The following SKIC3 variants were observed in gnomAD, a reference collection of about 807,000 sequenced individuals.
SKIC3 encodes superkiller complex protein 3.
chr5:95,533,008 T>C, the SKIC3 span, among the ~76,000 whole-genome samples: 2 of 152,204 alleles, frequency 1.3e-5, no homozygotes, highest in African/African-American at 4.8e-5. Flanking sequence ...CATTCATATT[T>C]ATCTTCACCT....
the SKIC3 span, chr5:95,523,180 T>G: frequency 3.1e-6 from 5 of 1,613,426 alleles, no homozygotes; most frequent in Non-Finnish European, 4.2e-6. Context: ...TAACATAGTT[T>G]AAATACAATA....
the SKIC3 span, among the ~76,000 whole-genome samples, chr5:95,542,279 TTTTA>T: frequency 2.0e-5 from 3 of 152,182 alleles, no homozygotes; most frequent in Admixed American, 1.3e-4. Flanking sequence ...ATCTAAAGTA[TTTTA>T]TTGTGATATC....
the SKIC3 span, among the ~76,000 whole-genome samples, chr5:95,511,732 C>T: frequency 6.6e-6 from 1 of 152,118 alleles, no homozygotes; most frequent in Non-Finnish European, 1.5e-5. Context: ...ATTTCTTGAG[C>T]ATCTAGGATA....
At chr5:95,503,660 A>G in the SKIC3 span, among the ~76,000 whole-genome samples, 1 of 152,158 alleles carries the variant, frequency 6.6e-6, no homozygotes, top group Non-Finnish European at 1.5e-5. Flanking sequence ...GGTAACAGAT[A>G]AAAAAGTGCC....
chr5:95,511,488 A>AC, the SKIC3 span, among the ~76,000 whole-genome samples: 1 of 151,988 alleles, frequency 6.6e-6, no homozygotes, highest in Non-Finnish European at 1.5e-5. Flanking sequence ...CCTAAGGCAA[A>AC]CCCCCCCAAG....
the SKIC3 span, chr5:95,514,877 T>C: frequency 6.2e-6 from 10 of 1,612,420 alleles, no homozygotes; most frequent in Non-Finnish European, 8.5e-6. Flanking sequence ...GCACATTAAA[T>C]AAGATGGATC....
chr5:95,508,935 C>T, the SKIC3 span, among the ~76,000 whole-genome samples: 1 of 152,276 alleles, frequency 6.6e-6, no homozygotes. Context: ...TCTAATAAAG[C>T]TAGACAAGTT....
chr5:95,510,227 A>G, the SKIC3 span, among the ~76,000 whole-genome samples: 7 of 152,220 alleles, frequency 4.6e-5, no homozygotes, highest in Non-Finnish European at 7.3e-5. Flanking sequence ...TGAGACAGTG[A>G]CAGAAATCCA....
chr5:95,547,465 T>C, the SKIC3 span, among the ~76,000 whole-genome samples: 1 of 152,152 alleles, frequency 6.6e-6, no homozygotes, highest in Non-Finnish European at 1.5e-5. Flanking sequence ...ATTTGTCACA[T>C]TTAATATACT....
chr5:95,535,167 T>C, the SKIC3 span, among the ~76,000 whole-genome samples: 1 of 152,200 alleles, frequency 6.6e-6, no homozygotes, highest in Non-Finnish European at 1.5e-5. Flanking sequence ...TTTAAGACTT[T>C]ATACTCCACT....
the SKIC3 span, among the ~76,000 whole-genome samples, chr5:95,507,583 G>A: frequency 2.0e-5 from 3 of 152,076 alleles, no homozygotes; most frequent in Non-Finnish European, 2.9e-5. Context: ...AAAAAGAGTT[G>A]GATATTTAAC....
At chr5:95,494,456 A>C in the SKIC3 span, among the ~76,000 whole-genome samples, 1 of 152,180 alleles carries the variant, frequency 6.6e-6, no homozygotes, top group Non-Finnish European at 1.5e-5. Flanking sequence ...CATCAATTTA[A>C]AAAGTCCTTT....
At chr5:95,536,699 C>G in the SKIC3 span, 1 of 847,226 alleles carries the variant, frequency 1.2e-6, no homozygotes, top group Non-Finnish European at 2.0e-6. Context: ...CTTTTTATGT[C>G]CAGAAACACA....
the SKIC3 span, chr5:95,523,266 A>AT: frequency 6.2e-7 from 1 of 1,613,896 alleles, no homozygotes; most frequent in Admixed American, 1.7e-5. Context: ...AGCCAGGCCC[A>AT]TTTTGCCGTT....
chr5:95,545,804 T>A, the SKIC3 span, among the ~76,000 whole-genome samples: 10 of 152,150 alleles, frequency 6.6e-5, no homozygotes, highest in Non-Finnish European at 1.0e-4. Context: ...CAGTGAAAAT[T>A]CTGTATCCTT....
chr5:95,496,293 T>C, the SKIC3 span, among the ~76,000 whole-genome samples: 2 of 152,134 alleles, frequency 1.3e-5, no homozygotes, highest in Non-Finnish European at 2.9e-5. Flanking sequence ...GCTGGGATTA[T>C]AGCCATGAGC....
At chr5:95,513,906 G>C in the SKIC3 span, among the ~76,000 whole-genome samples, 6 of 152,160 alleles carry the variant, frequency 3.9e-5, no homozygotes, top group African/African-American at 1.2e-4. Context: ...TACTGAGCTA[G>C]AGCAGTACTA....
chr5:95,497,440 T>C, the SKIC3 span: 3 of 1,613,472 alleles, frequency 1.9e-6, no homozygotes, highest in East Asian at 6.7e-5. Flanking sequence ...GAGCATACTG[T>C]GCAACAACTC....
the SKIC3 span, among the ~76,000 whole-genome samples, chr5:95,490,464 G>GTATA: frequency 6.9e-6 from 1 of 144,920 alleles, no homozygotes; most frequent in Non-Finnish European, 1.5e-5. Context: ...TTTAAATAAT[G>GTATA]TATATATATA....
Sources: gnomAD v4.1 joint callset for allele counts (sites outside exome capture counted in the v4.1 genomes callset) on GRCh38, gnomAD v4.1.1 for gene constraint, MANE v1.5 for transcripts, NCBI Gene and HGNC (gene_info 2026-07-23, HGNC 2026-07-21) for gene names.